C1orf21: variants seen among roughly 807,000 people sequenced by gnomAD.
The protein encoded by C1orf21 is uncharacterized protein C1orf21.
Under a neutral mutation model 18.7 loss-of-function variants are expected in C1orf21, and 3 were observed. That is an observed-to-expected ratio of 0.16 (90% confidence interval 0.07 to 0.42). C1orf21 has a LOEUF of 0.42. Ranked by LOEUF, C1orf21 falls within the 10% of genes least tolerant of loss-of-function variation. The pLI, the probability that C1orf21 is intolerant of heterozygous loss-of-function variation, is 0.99. For missense variants in C1orf21, 104 were observed against 143.6 expected, an observed-to-expected ratio of 0.72 and a Z score of 1.41; for synonymous variants, 41 against 46.4, an observed-to-expected ratio of 0.88 and a Z score of 0.47.
chr1:184,484,243 G>A (rs539910545), intron 2 of C1orf21, among the ~76,000 whole-genome samples: 8 of 151,940 alleles, frequency 5.3e-5, no homozygotes, highest in South Asian at 4.2e-4. Context: ...CTTCATGATC[G>A]CCTTCTTCAG....
rs567362971 is a variant in C1orf21, at chr1:184,609,408, A to G, written c.328-10110A>G. On this transcript the variant is annotated intron_variant, in intron 5 of 5. Transcript: ENST00000235307. ...AAGTTCAACATAAATTCTAGGGTGTATGTGGAACAGAGAGCTCTTTCAGAG... is the reference window on the plus strand; with the variant it reads ...AAGTTCAACATAAATTCTAGGGTGTGTGTGGAACAGAGAGCTCTTTCAGAG... Among the ~76,000 whole-genome samples, 8 of 152,372 alleles carry G rather than the reference A, an allele frequency of 5.3e-5. No homozygotes were observed. The East Asian group carries it at 1.2e-3, about 22-fold the overall frequency.
At chr1:184,566,718 C>T (rs1217573742) in intron 3 of C1orf21, 6 of 378,518 alleles carry the variant, frequency 1.6e-5, no homozygotes, top group Non-Finnish European at 3.2e-5. Context: ...TCAGAAGAAA[C>T]CAAGCCATCT....
intron 1 of C1orf21, among the ~76,000 whole-genome samples, chr1:184,452,166 C>A (rs996550536): frequency 1.4e-4 from 21 of 152,130 alleles, no homozygotes; most frequent in African/African-American, 5.1e-4. Context: ...TCACAAGAAG[C>A]TTTTGGTGGA....
intron 3 of C1orf21, among the ~76,000 whole-genome samples, chr1:184,549,374 C>T (rs1449489796): frequency 2.0e-5 from 3 of 152,032 alleles, no homozygotes; most frequent in Non-Finnish European, 2.9e-5. Context: ...AGAAATCACC[C>T]GAAATCTTCA....
Position 184,619,806 on chromosome 1 carries a change from C to T in C1orf21, c.*250C>T. 2.5e-6 allele frequency: 1 copy of T among 405,328 alleles called. No individual in the cohort carries two copies. The highest frequency in any genetic ancestry group is 4.3e-6 in the Non-Finnish European group (1 of 231,066). 25.1% of individuals were successfully genotyped at this position (405,328 alleles called of 1,614,324 possible). A position where few individuals can be genotyped will look rare whatever the true frequency, so the allele number is the denominator to read the frequency against. ...CTAGTTAAAACTTGTTGCAACTTTT[C>T]ACTTCTCTTGTGTCCAGGTATGCAG... On this transcript the variant is annotated 3_prime_UTR_variant, in exon 6 of 6. Transcript: ENST00000235307.
At chr1:184,489,480 C>T (rs529973409) in intron 2 of C1orf21, among the ~76,000 whole-genome samples, 7 of 152,138 alleles carry the variant, frequency 4.6e-5, no homozygotes, top group East Asian at 1.9e-4. Context: ...AGAATGTCAA[C>T]GCAGAACAAT....
chr1:184,593,874 C>T (rs1256717697), intron 4 of C1orf21, among the ~76,000 whole-genome samples: 1 of 152,134 alleles, frequency 6.6e-6, no homozygotes, highest in Non-Finnish European at 1.5e-5. Context: ...AAGAGTAAGT[C>T]CTGAAAGATT....
intron 1 of C1orf21, among the ~76,000 whole-genome samples, chr1:184,476,399 T>C (rs1488770038): frequency 6.6e-6 from 1 of 152,022 alleles, no homozygotes; most frequent in Non-Finnish European, 1.5e-5. Context: ...AACAAAGGAA[T>C]GTGTAGGAGA....
At chr1:184,577,976 CAG>C (rs1341020474) in intron 3 of C1orf21, among the ~76,000 whole-genome samples, 12 of 111,488 alleles carry the variant, frequency 1.1e-4, no homozygotes, top group Non-Finnish European at 1.7e-4. Flanking sequence ...TTTTTTGAGA[CAG>C]AGTCTCACAC....
At chr1:184,403,633 A>G (rs1256280980) in intron 1 of C1orf21, among the ~76,000 whole-genome samples, 1 of 152,238 alleles carries the variant, frequency 6.6e-6, no homozygotes, top group Non-Finnish European at 1.5e-5. Flanking sequence ...GAGAAACAAA[A>G]CAACAAAAAC....
chr1:184,473,030 G>A (rs148524566), intron 1 of C1orf21, among the ~76,000 whole-genome samples: 122 of 152,350 alleles, frequency 8.0e-4, no homozygotes, highest in Middle Eastern at 3.4e-3. Flanking sequence ...TCATGGTATC[G>A]TGGATTGCAC....
intron 5 of C1orf21, among the ~76,000 whole-genome samples, chr1:184,611,282 G>A (rs1659733533): frequency 6.6e-6 from 1 of 152,162 alleles, no homozygotes. Flanking sequence ...CTTATGACTT[G>A]TTGTTTGACT....
chr1:184,587,494 T>C (rs1346290964), intron 3 of C1orf21, among the ~76,000 whole-genome samples: 1 of 151,114 alleles, frequency 6.6e-6, no homozygotes, highest in Non-Finnish European at 1.5e-5. Context: ...AGAAATCTTT[T>C]AGCTCCCTGC....
At chr1:184,523,984 C>A (rs1248825837) in intron 3 of C1orf21, among the ~76,000 whole-genome samples, 2 of 152,132 alleles carry the variant, frequency 1.3e-5, no homozygotes, top group Non-Finnish European at 2.9e-5. Flanking sequence ...CTTCCCACCA[C>A]CAAAATATGA....
chr1:184,579,392 T>G (rs1233182981), intron 3 of C1orf21, among the ~76,000 whole-genome samples: 1 of 126,442 alleles, frequency 7.9e-6, no homozygotes, highest in Non-Finnish European at 1.6e-5. Context: ...TTTTTTTTTT[T>G]TTTTTTTTTT....
chr1:184,608,447 C>T (rs1659682006), intron 5 of C1orf21, among the ~76,000 whole-genome samples: 1 of 152,208 alleles, frequency 6.6e-6, no homozygotes, highest in African/African-American at 2.4e-5. Context: ...CTCTAGGTCA[C>T]CTGAAACACT....
intron 4 of C1orf21, among the ~76,000 whole-genome samples, chr1:184,596,093 T>C (rs1659509814): frequency 6.6e-6 from 1 of 152,126 alleles, no homozygotes; most frequent in Admixed American, 6.5e-5. Flanking sequence ...ATCGCAGAGG[T>C]TGCAGATACA....
At chr1:184,404,412 G>T (rs537930228) in intron 1 of C1orf21, among the ~76,000 whole-genome samples, 16 of 152,258 alleles carry the variant, frequency 1.1e-4, no homozygotes, top group Non-Finnish European at 1.9e-4. Flanking sequence ...GGCAGGTTTG[G>T]TGTCTCATGA....
chr1:184,462,133 A>C (rs1657315152), intron 1 of C1orf21, among the ~76,000 whole-genome samples: 1 of 152,202 alleles, frequency 6.6e-6, no homozygotes, highest in Non-Finnish European at 1.5e-5. Context: ...CTAAAGTGTC[A>C]CCTTCTTTCT....
Sources: gnomAD v4.1 joint callset for allele counts (sites outside exome capture counted in the v4.1 genomes callset) on GRCh38, gnomAD v4.1.1 for gene constraint, MANE v1.5 for transcripts, NCBI Gene and HGNC (gene_info 2026-07-23, HGNC 2026-07-21) for gene names.